Variants in TENM2 observed in about 807,000 individuals in gnomAD.
TENM2 encodes the protein teneurin-2.
A neutral mutation model predicts 245.2 loss-of-function variants in TENM2; 52 were observed. The observed-to-expected ratio is 0.21, with a 90% CI of 0.17 to 0.27. The LOEUF is 0.27. Among genes scored for constraint, TENM2 ranks in the 10% least tolerant of loss-of-function variants. TENM2 has a pLI of 1.00. For missense variants in TENM2, 3,046 were observed against 3,666.8 expected, an observed-to-expected ratio of 0.83 and a Z score of 4.37; for synonymous variants, 1,363 against 1,438.9, an observed-to-expected ratio of 0.95 and a Z score of 1.19.
chr5:168,099,189 C>T (rs967659455), intron 9 of TENM2, among the ~76,000 whole-genome samples: 4 of 152,120 alleles, frequency 2.6e-5, no homozygotes, highest in African/African-American at 9.7e-5. Context: ...GGATTACAGG[C>T]ATGAGCCACT....
the TENM2 span, among the ~76,000 whole-genome samples, chr5:167,148,560 A>G: frequency 4.6e-5 from 7 of 152,244 alleles, no homozygotes; most frequent in East Asian, 9.6e-4. Flanking sequence ...TTAAATGCAA[A>G]CATCTGTAGT....
chr5:167,360,939 C>T, intron 1 of TENM2, among the ~76,000 whole-genome samples: 1 of 152,172 alleles, frequency 6.6e-6, no homozygotes, highest in East Asian at 1.9e-4. Context: ...ACCTAGGGAA[C>T]AAAGTGCGTG....
the TENM2 span, among the ~76,000 whole-genome samples, chr5:167,176,625 G>A: frequency 1.4e-4 from 21 of 152,164 alleles, no homozygotes; most frequent in Non-Finnish European, 2.4e-4. Context: ...TCATATCTCT[G>A]TGCTTTGCAG....
chr5:167,859,105 A>T (rs1771399813), intron 2 of TENM2, among the ~76,000 whole-genome samples: 1 of 127,774 alleles, frequency 7.8e-6, no homozygotes, highest in African/African-American at 3.0e-5. Context: ...AGATGTGGGG[A>T]GCGCCTCTGC....
chr5:167,552,155 C>G (rs1042647309), intron 2 of TENM2, among the ~76,000 whole-genome samples: 2 of 152,142 alleles, frequency 1.3e-5, no homozygotes, highest in Admixed American at 6.5e-5. Context: ...AATGAATGAG[C>G]TAGGCAAGGC....
chr5:167,610,526 GAT>G (rs1777408257), intron 2 of TENM2, among the ~76,000 whole-genome samples: 1 of 152,038 alleles, frequency 6.6e-6, no homozygotes, highest in South Asian at 2.1e-4. Flanking sequence ...TCACTCCAGA[GAT>G]TCTAAAGGTT....
intron 2 of TENM2, among the ~76,000 whole-genome samples, chr5:167,769,909 G>GT (rs145645328): frequency 0.03 from 4,612 of 151,700 alleles, 250 homozygotes; most frequent in African/African-American, 0.11. Context: ...AAGTTTGCTA[G>GT]TTTTTTTTTC....
At chr5:167,598,921 T>G (rs1776410866) in intron 2 of TENM2, among the ~76,000 whole-genome samples, 1 of 152,180 alleles carries the variant, frequency 6.6e-6, no homozygotes. Flanking sequence ...AAGGGTTCTT[T>G]TGAACTTCAT....
Position 167,870,628 on chromosome 5 carries a change from TAC to T in TENM2, c.503-5348_503-5347del, listed in dbSNP as rs1239358598. On this transcript the variant is annotated intron_variant, in intron 2 of 28. Coordinates refer to ENST00000518659, the Ensembl canonical transcript of TENM2. Reference sequence around the variant, plus strand: ...ATATATGTATATATATGTATATATATACACACACACATATATAGTAATATATA... The same window carrying T: ...ATATATGTATATATATGTATATATATACACACACATATATAGTAATATATA... 1.6e-3 allele frequency among the ~76,000 whole-genome samples: 237 copies of T among 147,750 alleles called. 2 individuals are homozygous for T. The highest frequency in any genetic ancestry group is 2.4e-3 in the Non-Finnish European group (160 of 67,258).
the TENM2 span, among the ~76,000 whole-genome samples, chr5:167,043,312 T>C: frequency 6.6e-6 from 1 of 152,178 alleles, no homozygotes; most frequent in Non-Finnish European, 1.5e-5. Flanking sequence ...GATAAAATTA[T>C]GGTATAAAGT....
At chr5:167,633,594 T>A (rs1259690479) in intron 2 of TENM2, among the ~76,000 whole-genome samples, 1 of 152,170 alleles carries the variant, frequency 6.6e-6, no homozygotes, top group Non-Finnish European at 1.5e-5. Flanking sequence ...AAGTGTTAGC[T>A]TAAGGGATCT....
intron 2 of TENM2, among the ~76,000 whole-genome samples, chr5:167,517,685 A>T (rs1770473459): frequency 6.6e-6 from 1 of 152,138 alleles, no homozygotes; most frequent in Admixed American, 6.6e-5. Flanking sequence ...TTATCTGGGA[A>T]CATTTAAAAG....
exon 29 of TENM2, chr5:168,262,831 C>G: frequency 1.3e-6 from 2 of 1,569,526 alleles, no homozygotes; most frequent in Non-Finnish European, 1.7e-6. Context: ...TGCTGCCATT[C>G]CTTGTCTGAA....
intron 8 of TENM2, among the ~76,000 whole-genome samples, chr5:168,095,556 G>A (rs1199821772): frequency 6.6e-6 from 1 of 152,044 alleles, no homozygotes; most frequent in African/African-American, 2.4e-5. Context: ...AGCACTTATT[G>A]TAATTTTTGC....
At chr5:167,431,039 G>A (rs966159683) in intron 2 of TENM2, among the ~76,000 whole-genome samples, 1 of 152,038 alleles carries the variant, frequency 6.6e-6, no homozygotes, top group Non-Finnish European at 1.5e-5. Flanking sequence ...CTTATTTGGG[G>A]AATCCCAAAG....
At chr5:167,439,092 C>A (rs1255978268) in intron 2 of TENM2, among the ~76,000 whole-genome samples, 1 of 152,186 alleles carries the variant, frequency 6.6e-6, no homozygotes, top group Non-Finnish European at 1.5e-5. Context: ...CCGCACCGGG[C>A]CGCCAAGTTT....
At chr5:167,331,279 A>G in intron 1 of TENM2, among the ~76,000 whole-genome samples, 1 of 151,900 alleles carries the variant, frequency 6.6e-6, no homozygotes, top group East Asian at 1.9e-4. Context: ...AGAAAGGAAA[A>G]AAGAGAAGTA....
intron 2 of TENM2, among the ~76,000 whole-genome samples, chr5:167,790,141 A>G (rs555812828): frequency 9.9e-5 from 15 of 152,212 alleles, no homozygotes; most frequent in Admixed American, 2.0e-4. Flanking sequence ...TGATGGAGCC[A>G]TGCCCCGGCT....
chr5:167,994,804 C>A (rs1783930971), intron 5 of TENM2, among the ~76,000 whole-genome samples: 1 of 152,140 alleles, frequency 6.6e-6, no homozygotes, highest in Non-Finnish European at 1.5e-5. Flanking sequence ...CTGCTTCTCA[C>A]TTACCTCTTG....
Sources: allele counts gnomAD v4.1 joint callset (sites outside exome capture counted in the v4.1 genomes callset), GRCh38; gene constraint gnomAD v4.1.1; transcripts MANE v1.5; gene names NCBI Gene and HGNC (gene_info 2026-07-23, HGNC 2026-07-21).